Variants in MAP3K5 observed in about 807,000 individuals in gnomAD.
MAP3K5 encodes ASK-1.
A neutral mutation model predicts 158.7 loss-of-function variants in MAP3K5; 56 were observed. The observed-to-expected ratio is 0.35, with a 90% confidence interval of 0.28 to 0.44. The LOEUF (loss-of-function observed/expected upper bound fraction) is 0.44. MAP3K5 is among the 20% of genes least tolerant of loss of function. MAP3K5 has a pLI of 1.00. For synonymous variants in MAP3K5, 579 were observed against 601.7 expected, an observed-to-expected ratio of 0.96 and a Z score of 0.55; for missense variants, 1,294 against 1,674.8, an observed-to-expected ratio of 0.77 and a Z score of 3.97.
intron 15 of MAP3K5, among the ~76,000 whole-genome samples, chr6:136,621,946 C>T (rs757381294): frequency 1.3e-5 from 2 of 151,948 alleles, no homozygotes; most frequent in Non-Finnish European, 2.9e-5. Flanking sequence ...ATTAGCCAGG[C>T]GTGGTGGCAG....
At chr6:136,728,244 T>TA (rs1052215910) in intron 1 of MAP3K5, among the ~76,000 whole-genome samples, 5 of 152,174 alleles carry the variant, frequency 3.3e-5, no homozygotes, top group African/African-American at 7.2e-5. Context: ...CCCTTCATAA[T>TA]AAGGTATCTG....
At chr6:136,750,169 C>T (rs1163813486) in intron 1 of MAP3K5, among the ~76,000 whole-genome samples, 1 of 152,138 alleles carries the variant, frequency 6.6e-6, no homozygotes, top group Non-Finnish European at 1.5e-5. Context: ...CCTCCGCCTC[C>T]TAGGTTCGAG....
intron 7 of MAP3K5, among the ~76,000 whole-genome samples, chr6:136,681,868 A>G (rs1006384954): frequency 1.7e-4 from 26 of 152,156 alleles, no homozygotes; most frequent in Admixed American, 1.5e-3. Flanking sequence ...GCAGTGAGCC[A>G]AGATCGTGCC....
intron 1 of MAP3K5, among the ~76,000 whole-genome samples, chr6:136,734,647 G>C (rs1371269791): frequency 6.6e-6 from 1 of 152,076 alleles, no homozygotes; most frequent in African/African-American, 2.4e-5. Flanking sequence ...TACTGAAAAG[G>C]CTGCTCATGA....
chr6:136,743,056 C>CTCCA (rs1782777679), intron 1 of MAP3K5, among the ~76,000 whole-genome samples: 1 of 152,138 alleles, frequency 6.6e-6, no homozygotes, highest in Admixed American at 6.5e-5. Context: ...TGACACTGCA[C>CTCCA]TCCAGCCTGG....
chr6:136,705,789 G>A (rs922883051), intron 2 of MAP3K5, among the ~76,000 whole-genome samples: 10 of 152,136 alleles, frequency 6.6e-5, no homozygotes, highest in African/African-American at 1.9e-4. Context: ...AGGTTAAAAC[G>A]AGTTTGCTTT....
chr6:136,786,792 A>AAG (rs1784864143), intron 1 of MAP3K5, among the ~76,000 whole-genome samples: 2 of 148,168 alleles, frequency 1.3e-5, no homozygotes, highest in Admixed American at 1.4e-4. Flanking sequence ...ACCAAACTTT[A>AAG]AGTTCTTCTT....
At chr6:136,648,182 A>G (rs867137462) in intron 11 of MAP3K5, among the ~76,000 whole-genome samples, 2 of 152,350 alleles carry the variant, frequency 1.3e-5, no homozygotes, top group Middle Eastern at 3.4e-3. Context: ...TTATGAATAA[A>G]TTAGTATCAC....
rs544777266 is a variant in MAP3K5 at position 136,649,424 on chromosome 6, T to C, written c.1788+1560A>G. On this transcript the variant is annotated intron_variant, in intron 11 of 29. Coordinates refer to ENST00000359015, the MANE Select transcript of MAP3K5 (RefSeq NM_005923.4). ...AGCTACTACAATTGAGTAATTACTA[T>C]GTTTACATCCCTATTAAAGTTGTTA... Among the ~76,000 whole-genome samples the C allele has an allele frequency of 5.9e-5, 9 of 152,360 alleles. No individual in the cohort carries two copies. In the South Asian group the frequency reaches 1.9e-3, roughly 32 times the overall value.
intron 24 of MAP3K5, among the ~76,000 whole-genome samples, chr6:136,582,474 G>A (rs1774935097): frequency 6.6e-6 from 1 of 152,210 alleles, no homozygotes; most frequent in Non-Finnish European, 1.5e-5. Context: ...CCTAGTTGCA[G>A]CATAAGCATG....
At chr6:136,686,305 CA>C in intron 7 of MAP3K5, among the ~76,000 whole-genome samples, 1 of 152,222 alleles carries the variant, frequency 6.6e-6, no homozygotes, top group South Asian at 2.1e-4. Flanking sequence ...GACAAACCTA[CA>C]AGCAATATCA....
At chr6:136,607,387 G>A (rs1249916615) in intron 18 of MAP3K5, among the ~76,000 whole-genome samples, 1 of 152,130 alleles carries the variant, frequency 6.6e-6, no homozygotes, top group East Asian at 1.9e-4. Context: ...TCTGCCAATT[G>A]TGTTTAATTA....
At chr6:136,691,153 A>C (rs1780369428) in intron 7 of MAP3K5, among the ~76,000 whole-genome samples, 1 of 151,918 alleles carries the variant, frequency 6.6e-6, no homozygotes, top group African/African-American at 2.4e-5. Context: ...ATTTTCTTTG[A>C]TATTTATGCT....
At chr6:136,721,987 G>T (rs1160385924) in intron 1 of MAP3K5, among the ~76,000 whole-genome samples, 1 of 152,092 alleles carries the variant, frequency 6.6e-6, no homozygotes, top group Non-Finnish European at 1.5e-5. Flanking sequence ...ATGAAAATCA[G>T]AAATAAAGGC....
chr6:136,632,109 T>C (rs556544887), intron 14 of MAP3K5, among the ~76,000 whole-genome samples: 1 of 152,186 alleles, frequency 6.6e-6, no homozygotes, highest in African/African-American at 2.4e-5. Flanking sequence ...CGGAGAAGCA[T>C]GGCCACCTGG....
At chr6:136,650,584 T>C (rs945061088) in intron 11 of MAP3K5, among the ~76,000 whole-genome samples, 2 of 152,236 alleles carry the variant, frequency 1.3e-5, no homozygotes, top group Admixed American at 1.3e-4. Context: ...ATAACTATAA[T>C]GGTACCAGTG....
intron 26 of MAP3K5, among the ~76,000 whole-genome samples, chr6:136,565,174 C>T (rs1192441610): frequency 6.6e-6 from 1 of 152,288 alleles, no homozygotes; most frequent in Non-Finnish European, 1.5e-5. Context: ...TCATTTGCTC[C>T]GAATCCAGCT....
At chr6:136,761,466 AAGCCAGG>A (rs1220406784) in intron 1 of MAP3K5, among the ~76,000 whole-genome samples, 3 of 152,106 alleles carry the variant, frequency 2.0e-5, no homozygotes, top group Admixed American at 6.5e-5. Context: ...GCCTGGGAAG[AAGCCAGG>A]AGCCTGGGGG....
rs900670451 is a variant in MAP3K5, at chr6:136,742,430, G to GA, written c.449-21842dup. 6.7e-3 allele frequency among the ~76,000 whole-genome samples: 947 copies of GA among 140,560 alleles called. 4 individuals carry two copies. Among genetic ancestry groups the GA allele is most frequent in the Middle Eastern group, 0.011 (3 of 280 alleles). The allele number at this position is 140,560 out of a possible 152,430, so 92.2% of individuals were successfully genotyped here. On this transcript the variant is annotated intron_variant, in intron 1 of 29. Coordinates refer to ENST00000359015, the MANE Select transcript of MAP3K5 (RefSeq NM_005923.4). ...TGCTGGAACAACTGAACCTCTACAT[G>GA]AAAAAAAAAACAAAAAACAAAAACA... is the stretch of plus-strand genomic sequence containing the variant.
Sources: allele counts gnomAD v4.1 joint callset (sites outside exome capture counted in the v4.1 genomes callset), GRCh38; gene constraint gnomAD v4.1.1; transcripts MANE v1.5; gene names NCBI Gene and HGNC (gene_info 2026-07-23, HGNC 2026-07-21).